Variants in BABAM2 observed in about 807,000 individuals in gnomAD.
BABAM2 encodes BRISC and BRCA1 A complex member 2, also known as BRISC and BRCA1-A complex member 2.
In BABAM2, 31 loss-of-function variants were observed where a neutral mutation model predicts 54.7. That is an observed-to-expected ratio of 0.57 (90% confidence interval 0.43 to 0.77). BABAM2 has a LOEUF of 0.77. Among genes scored for constraint, BABAM2 ranks in the 30% least tolerant of loss-of-function variants. The pLI is 0.00. For missense variants in BABAM2, 364 were observed against 455.8 expected (o/e 0.80, Z 1.83); for synonymous variants, 167 against 162.9 (o/e 1.03, Z -0.19).
intron 9 of BABAM2, among the ~76,000 whole-genome samples, chr2:28,242,920 A>G (rs1006205998): frequency 1.3e-5 from 2 of 152,186 alleles, no homozygotes; most frequent in African/African-American, 4.8e-5. Context: ...AAATAATACC[A>G]TTGATCTTCT....
chr2:28,165,509 G>A (rs1417643244), intron 7 of BABAM2, among the ~76,000 whole-genome samples: 1 of 133,300 alleles, frequency 7.5e-6, no homozygotes, highest in African/African-American at 2.8e-5. Flanking sequence ...GGGCACTGAA[G>A]CTTTTTTTTT....
At position 28,298,434 on chromosome 2, in the gene BABAM2, A is replaced by C. The variant is rs1043401212; in HGVS notation, c.1031A>C (p.Gln344Pro). 8 of 1,613,944 alleles carry C rather than the reference A, an allele frequency of 5.0e-6. No homozygotes were observed. The highest frequency in any genetic ancestry group is 2.7e-5 in the African/African-American group (2 of 74,920). Residue 344 changes from glutamine (Q) to proline (P), a missense_variant, in exon 11 of 12, where the codon CAA (glutamine) becomes CCA (proline). By Grantham distance (76) the Gln-to-Pro change is moderately conservative. Transcript: ENST00000379624. Reference protein sequence around the residue: ...TNSGQLYSQAQKNYPYSPRWD... With the variant: ...TNSGQLYSQAPKNYPYSPRWD... ...AGTGGACAGCTTTACTCCCAGGCCC[A>C]AAAAAATTATCCGTACAGCCCCAGA... is the stretch of plus-strand genomic sequence containing the variant.
intron 7 of BABAM2, among the ~76,000 whole-genome samples, chr2:28,221,689 A>G (rs1235526001): frequency 6.6e-6 from 1 of 152,110 alleles, no homozygotes; most frequent in Admixed American, 6.5e-5. Flanking sequence ...GTTGATTGAA[A>G]TTTGTCGTTT....
rs1688397426 is a variant in BABAM2, at chr2:28,304,955, G to A, written c.1088+6464G>A. 6.6e-6 allele frequency among the ~76,000 whole-genome samples: 1 copy of A among 152,154 alleles called. No homozygotes were observed. Among genetic ancestry groups the A allele is most frequent in the African/African-American group, 2.4e-5 (1 of 41,446 alleles). ...GGCCTCCCAAAGCACTAGGATTACAGGCATGAGCCAGCACGCCCAGCCTGC... is the reference window on the plus strand; with the variant it reads ...GGCCTCCCAAAGCACTAGGATTACAAGCATGAGCCAGCACGCCCAGCCTGC... On this transcript the variant is annotated intron_variant, in intron 11 of 11. Coordinates refer to ENST00000379624, the MANE Select transcript of BABAM2 (RefSeq NM_199191.3). The surrounding 1 kb of genome is among the most constrained non-coding windows in gnomAD (Gnocchi z 4.0).
chr2:28,199,573 A>T (rs1315866610), intron 7 of BABAM2, among the ~76,000 whole-genome samples: 1 of 152,236 alleles, frequency 6.6e-6, no homozygotes, highest in Non-Finnish European at 1.5e-5. Context: ...GATTGAAACT[A>T]GGTATTAGCT....
chr2:28,045,647 C>T, intron 5 of BABAM2, 78 bp from the exon 6 acceptor site: 1 of 1,289,268 alleles, frequency 7.8e-7, no homozygotes. Context: ...ACAGGTTGAA[C>T]TTGTGGCCTT....
intron 3 of BABAM2, among the ~76,000 whole-genome samples, chr2:27,966,745 C>T (rs530107917): frequency 6.6e-6 from 1 of 152,340 alleles, no homozygotes; most frequent in South Asian, 2.1e-4. Context: ...AGGGCTCAGG[C>T]TATGCTTTTT....
intron 4 of BABAM2, among the ~76,000 whole-genome samples, chr2:28,005,137 A>G (rs1013289625): frequency 6.6e-6 from 1 of 152,158 alleles, no homozygotes; most frequent in African/African-American, 2.4e-5. Flanking sequence ...GAGTTTATAT[A>G]TTTTTATTGA....
intron 10 of BABAM2, among the ~76,000 whole-genome samples, chr2:28,245,814 G>A (rs1437108832): frequency 1.3e-5 from 2 of 152,172 alleles, no homozygotes; most frequent in Admixed American, 1.3e-4. Flanking sequence ...TTTAGCCAAG[G>A]CATCAGACAG....
chr2:27,997,928 G>C (rs376446630), intron 4 of BABAM2, among the ~76,000 whole-genome samples: 2 of 152,162 alleles, frequency 1.3e-5, no homozygotes, highest in Admixed American at 1.3e-4. Context: ...GCTGAGGTGG[G>C]TGGATCATGA....
At chr2:28,280,047 A>G (rs1573989247) in intron 10 of BABAM2, among the ~76,000 whole-genome samples, 1 of 151,934 alleles carries the variant, frequency 6.6e-6, no homozygotes, top group Admixed American at 6.6e-5. Context: ...CTAGTCTCAT[A>G]TCAAATCATA....
At chr2:27,903,098 C>A (rs180708862) in intron 2 of BABAM2, among the ~76,000 whole-genome samples, 1 of 151,340 alleles carries the variant, frequency 6.6e-6, no homozygotes, top group Non-Finnish European at 1.5e-5. Context: ...CCCCCACCCC[C>A]CCCACCGTAT....
At chr2:28,328,140 ACCCTTTGACACGAGG>A (rs1185474768) in intron 11 of BABAM2, among the ~76,000 whole-genome samples, 3 of 152,018 alleles carry the variant, frequency 2.0e-5, no homozygotes, top group Non-Finnish European at 4.4e-5. Context: ...TGTGAGGATG[ACCCTTTGACACGAGG>A]CCCTTTGACA....
At chr2:27,890,290 A>G (rs113651030), upstream of BABAM2, 5,786 of 1,613,622 alleles carry the variant, frequency 3.6e-3, 20 homozygotes, top group Non-Finnish European at 4.5e-3. The surrounding 1 kb of genome is among the most constrained non-coding windows in gnomAD (Gnocchi z 4.8). Flanking sequence ...GCCCACCACT[A>G]CCACCGCCGC....
intron 7 of BABAM2, among the ~76,000 whole-genome samples, chr2:28,176,154 A>G (rs1674920253): frequency 6.6e-6 from 1 of 152,260 alleles, no homozygotes; most frequent in African/African-American, 2.4e-5. Flanking sequence ...GTAAAGACAC[A>G]TGAAATGTGA....
intron 7 of BABAM2, among the ~76,000 whole-genome samples, chr2:28,167,563 G>A (rs1294065052): frequency 1.3e-5 from 2 of 151,590 alleles, no homozygotes; most frequent in African/African-American, 2.4e-5. Flanking sequence ...ACATTGTGGC[G>A]GGTGCCTGTA....
At chr2:28,058,061 G>A (rs897202632) in intron 6 of BABAM2, among the ~76,000 whole-genome samples, 6 of 151,928 alleles carry the variant, frequency 3.9e-5, no homozygotes, top group African/African-American at 1.5e-4. Flanking sequence ...GGAGAATGGC[G>A]TGAACCTGGG....
chr2:28,159,348 T>TA (rs1672838208), intron 7 of BABAM2, among the ~76,000 whole-genome samples: 1 of 152,152 alleles, frequency 6.6e-6, no homozygotes, highest in Non-Finnish European at 1.5e-5. Flanking sequence ...GGTGTGCACG[T>TA]AGAACCATAG....
At chr2:27,984,998 T>C (rs969872967) in intron 3 of BABAM2, among the ~76,000 whole-genome samples, 13 of 151,896 alleles carry the variant, frequency 8.6e-5, no homozygotes, top group African/African-American at 3.1e-4. Flanking sequence ...TCCAATTCCA[T>C]CCAGGTTGCT....
Sources: allele counts gnomAD v4.1 joint callset (sites outside exome capture counted in the v4.1 genomes callset), GRCh38; gene constraint gnomAD v4.1.1; non-coding constraint Gnocchi (gnomAD v3.1); transcripts MANE v1.5; gene names NCBI Gene and HGNC (gene_info 2026-07-23, HGNC 2026-07-21).